Variants in TENM2 observed in about 807,000 individuals in gnomAD.
The protein encoded by TENM2 is teneurin-2.
In TENM2, 52 loss-of-function variants were observed where a neutral mutation model predicts 245.2. The observed-to-expected ratio is 0.21, with a 90% CI of 0.17 to 0.27. TENM2 has a LOEUF of 0.27. TENM2 is among the 10% of genes least tolerant of loss of function. TENM2 has a pLI of 1.00. For synonymous variants in TENM2, 1,363 were observed against 1,438.9 expected (o/e 0.95, Z 1.19); for missense variants, 3,046 against 3,666.8 (o/e 0.83, Z 4.37).
intron 9 of TENM2, among the ~76,000 whole-genome samples, chr5:168,115,324 G>T (rs1345675867): frequency 7.8e-6 from 1 of 128,208 alleles, no homozygotes; most frequent in Non-Finnish European, 1.6e-5. Flanking sequence ...AGGGAAGGAA[G>T]GGAAGGAAGG....
intron 23 of TENM2, among the ~76,000 whole-genome samples, chr5:168,219,309 T>G (rs1763464704): frequency 6.6e-6 from 1 of 152,156 alleles, no homozygotes; most frequent in African/African-American, 2.4e-5. Context: ...CTTTGCTGAT[T>G]ATTCAAGTTT....
At chr5:167,315,350 C>T (rs1384933642) in intron 1 of TENM2, among the ~76,000 whole-genome samples, 2 of 152,116 alleles carry the variant, frequency 1.3e-5, no homozygotes, top group African/African-American at 4.8e-5. Context: ...ACAATCTGCT[C>T]CAAGAATTTC....
chr5:167,309,482 G>A lies in TENM2; in HGVS notation c.226+24419G>A, dbSNP rs534606935. Among the ~76,000 whole-genome samples, 6 of 152,196 alleles carry A rather than the reference G, an allele frequency of 3.9e-5. No homozygotes were observed. In the East Asian group the frequency reaches 9.7e-4, roughly 25 times the overall value. On this transcript the variant is annotated intron_variant, in intron 1 of 28. Transcript: ENST00000518659. ...GCCAAGGAACATCTATAGAATAGAC[G>A]CAATCTCTCCCAAAGCTCAAACCAA...
chr5:167,069,116 G>A, the TENM2 span, among the ~76,000 whole-genome samples: 3 of 152,060 alleles, frequency 2.0e-5, no homozygotes, highest in Non-Finnish European at 4.4e-5. Context: ...TCCTCACATT[G>A]TAATATCATT....
the TENM2 span, among the ~76,000 whole-genome samples, chr5:167,213,037 T>C: frequency 1.3e-5 from 2 of 152,192 alleles, no homozygotes; most frequent in African/African-American, 2.4e-5. Context: ...ATATTTACAG[T>C]TTTAAAGTTA....
chr5:167,420,282 A>G (rs1475518418), intron 2 of TENM2, among the ~76,000 whole-genome samples: 1 of 152,198 alleles, frequency 6.6e-6, no homozygotes, highest in Non-Finnish European at 1.5e-5. Context: ...AAACAATCTG[A>G]TTTTTAAATG....
chr5:167,987,270 T>A (rs942025330), intron 4 of TENM2, among the ~76,000 whole-genome samples: 1 of 152,032 alleles, frequency 6.6e-6, no homozygotes, highest in Non-Finnish European at 1.5e-5. Flanking sequence ...ATAAAAGTGA[T>A]TCAGGTAGAA....
At chr5:167,065,757 AGT>A in the TENM2 span, among the ~76,000 whole-genome samples, 4 of 152,186 alleles carry the variant, frequency 2.6e-5, no homozygotes, top group African/African-American at 9.6e-5. Flanking sequence ...GTGATCCAGA[AGT>A]GTTTATTCAT....
intron 3 of TENM2, among the ~76,000 whole-genome samples, chr5:167,892,731 A>T (rs1774860588): frequency 6.6e-6 from 1 of 152,112 alleles, no homozygotes; most frequent in South Asian, 2.1e-4. Context: ...CTCTCTTAAG[A>T]GCTCCAAAGT....
At chr5:167,419,176 G>T (rs935298057) in intron 2 of TENM2, among the ~76,000 whole-genome samples, 4 of 117,958 alleles carry the variant, frequency 3.4e-5, no homozygotes, top group African/African-American at 1.1e-4. Flanking sequence ...TAAATATGTT[G>T]GTAGGCCAGG....
rs555162485 is a variant in TENM2, at chr5:167,624,151, A to C, written c.502+248678A>C. On this transcript the variant is annotated intron_variant, in intron 2 of 28. Transcript: ENST00000518659. ...TATTTATTGCAGTAATACAATAGCA[A>C]ACACATGGAATCAGCCTAGGTTCCC... is the stretch of plus-strand genomic sequence containing the variant. 5.3e-5 allele frequency among the ~76,000 whole-genome samples: 8 copies of C among 152,342 alleles called. No homozygotes were observed. The South Asian group carries it at 1.0e-3, about 20-fold the overall frequency.
chr5:168,155,832 T>C (rs1202584195), intron 12 of TENM2, among the ~76,000 whole-genome samples: 1 of 143,960 alleles, frequency 6.9e-6, no homozygotes, highest in Non-Finnish European at 1.5e-5. Context: ...GCACTTACAA[T>C]GTGCCAAGCT....
chr5:167,323,963 T>C (rs977786391), intron 1 of TENM2, among the ~76,000 whole-genome samples: 1 of 152,188 alleles, frequency 6.6e-6, no homozygotes, highest in East Asian at 1.9e-4. Context: ...TATTCTGATG[T>C]AAGATCAAGC....
At chr5:167,638,338 A>C (rs1026955433) in intron 2 of TENM2, among the ~76,000 whole-genome samples, 4 of 152,236 alleles carry the variant, frequency 2.6e-5, no homozygotes, top group Non-Finnish European at 4.4e-5. Flanking sequence ...ATAATCACTT[A>C]ATTTATGTTA....
exon 6 of TENM2, chr5:168,047,474 C>T: frequency 1.9e-6 from 3 of 1,551,716 alleles, no homozygotes; most frequent in Non-Finnish European, 1.7e-6. Flanking sequence ...TGCAGATGGG[C>T]ACACCTTTAA....
At chr5:168,254,499 AGAAG>A (rs1306138777) in intron 27 of TENM2, among the ~76,000 whole-genome samples, 1 of 140,562 alleles carries the variant, frequency 7.1e-6, no homozygotes, top group African/African-American at 2.5e-5. Flanking sequence ...AGGAAGAGGA[AGAAG>A]GGGAGGAAGA....
At chr5:167,575,609 C>T (rs1774598046) in intron 2 of TENM2, among the ~76,000 whole-genome samples, 1 of 152,084 alleles carries the variant, frequency 6.6e-6, no homozygotes, top group African/African-American at 2.4e-5. Context: ...ACCAAATGGA[C>T]TGTGGGTCTG....
At chr5:167,183,818 T>C in the TENM2 span, among the ~76,000 whole-genome samples, 1 of 152,118 alleles carries the variant, frequency 6.6e-6, no homozygotes, top group Non-Finnish European at 1.5e-5. Flanking sequence ...TAAGACACAT[T>C]TCAGATATGG....
chr5:168,116,308 T>G (rs12186523), intron 9 of TENM2, among the ~76,000 whole-genome samples: 81,712 of 151,994 alleles, frequency 0.54, 22,150 homozygotes, highest in East Asian at 0.63. Flanking sequence ...AGCATAAGAA[T>G]TCTACTGAAA....
Sources: gnomAD v4.1 joint callset for allele counts (sites outside exome capture counted in the v4.1 genomes callset) on GRCh38, gnomAD v4.1.1 for gene constraint, MANE v1.5 for transcripts, NCBI Gene and HGNC (gene_info 2026-07-23, HGNC 2026-07-21) for gene names.